The following CUL4A variants were observed in gnomAD, a reference collection of about 807,000 sequenced individuals.
CUL4A encodes cullin-4A.
Under a neutral mutation model 95.5 loss-of-function variants are expected in CUL4A, and 16 were observed. The observed-to-expected ratio is 0.17, with a 90% confidence interval of 0.11 to 0.25. The LOEUF is 0.25. Ranked by LOEUF, CUL4A falls within the 10% of genes least tolerant of loss-of-function variation. The probability of loss-of-function intolerance (pLI) is 1.00; values close to 1 mark genes in which losing one functional copy is unlikely to be tolerated. For synonymous variants in CUL4A, 380 were observed against 353.1 expected (o/e 1.08, Z -0.85); for missense variants, 610 against 937.0 (o/e 0.65, Z 4.56).
chr13:113,233,613 GAC>G (rs994950556), intron 6 of CUL4A, among the ~76,000 whole-genome samples: 1 of 151,956 alleles, frequency 6.6e-6, no homozygotes, highest in African/African-American at 2.4e-5. Flanking sequence ...TATAAACAGA[GAC>G]AAAGCCAGAT....
At position 113,209,869 on chromosome 13, in the gene CUL4A, G is replaced by A. The variant is rs2040296770; in HGVS notation, c.148+94G>A. On this transcript the variant is annotated intron_variant, in intron 1 of 19. Transcript: ENST00000375440. Reference sequence around the variant, plus strand: ...GGGGGGAAGGCCCCGAGATCCGTGCGGGCCCCGGGAGCGGGGGCGCCGGGG... The same window carrying A: ...GGGGGGAAGGCCCCGAGATCCGTGCAGGCCCCGGGAGCGGGGGCGCCGGGG... 3 of 1,186,582 alleles carry A rather than the reference G, an allele frequency of 2.5e-6. No homozygotes were observed. In the African/African-American group the frequency reaches 4.9e-5, roughly 19 times the overall value. 73.5% of individuals were successfully genotyped at this position (1,186,582 alleles called of 1,614,324 possible).
intron 10 of CUL4A, among the ~76,000 whole-genome samples, 155 bp downstream of exon 10, chr13:113,239,706 C>T (rs888497986): frequency 8.5e-5 from 13 of 152,218 alleles, no homozygotes; most frequent in African/African-American, 3.1e-4. Flanking sequence ...CAGTAGGCTT[C>T]CATCTGCTTC....
chr13:113,256,928 T>TG (rs1462612598), intron 18 of CUL4A, among the ~76,000 whole-genome samples: 69 of 129,636 alleles, frequency 5.3e-4, no homozygotes, highest in African/African-American at 2.0e-3. Context: ...TTTTTTTCGT[T>TG]TTTTTTTTTT....
intron 3 of CUL4A, among the ~76,000 whole-genome samples, chr13:113,220,944 A>C (rs1040555353): frequency 6.6e-6 from 1 of 152,230 alleles, no homozygotes; most frequent in Non-Finnish European, 1.5e-5. Flanking sequence ...AAGGCAAAAG[A>C]AAAAAACACT....
intron 5 of CUL4A, chr13:113,229,862 G>C (rs1192917679): frequency 6.4e-6 from 3 of 465,330 alleles, no homozygotes; most frequent in Non-Finnish European, 1.1e-5. Flanking sequence ...AAGACTGCCT[G>C]CTGCCCGTGG....
intron 5 of CUL4A, 33 bp from the exon 6 acceptor site, chr13:113,233,144 A>G: frequency 6.3e-7 from 1 of 1,592,568 alleles, no homozygotes. Flanking sequence ...AAGCGAAACT[A>G]AAATGTAGTC....
intron 14 of CUL4A, among the ~76,000 whole-genome samples, chr13:113,245,508 C>T (rs2041833111): frequency 6.6e-6 from 1 of 152,148 alleles, no homozygotes; most frequent in Non-Finnish European, 1.5e-5. Context: ...CGTGACTGCA[C>T]CACTGCGCTC....
In CUL4A at chr13:113,209,999, A is replaced by G. The variant is rs549078329; in HGVS notation, c.175A>G (p.Thr59Ala). Residue 59 changes from threonine to alanine, a missense_variant, in exon 2 of 20, where the codon ACG becomes GCG. Coordinates refer to ENST00000375440, the MANE Select transcript of CUL4A (RefSeq NM_001008895.4). The part of the protein sequence containing the change: ...RDRPRLPDNY[T>A]QDTWRKLHEA... ...CAGACCTCGGCTGCCCGACAACTAC[A>G]CGCAGGACACGTGGCGGAAGCTGCA... 8.5e-6 allele frequency: 13 copies of G among 1,520,646 alleles called. No individual in the cohort carries two copies. Among genetic ancestry groups the G allele is most frequent in the Admixed American group, 4.2e-5 (2 of 48,164 alleles). 94.2% of individuals were successfully genotyped at this position (1,520,646 alleles called of 1,614,324 possible). A position where few individuals can be genotyped will look rare whatever the true frequency, so the allele number is the denominator to read the frequency against.
intron 16 of CUL4A, 99 bp downstream of exon 16, chr13:113,253,294 CT>C (rs2042040764): frequency 2.0e-6 from 1 of 488,510 alleles, no homozygotes; most frequent in Non-Finnish European, 3.5e-6. Context: ...GAGTGTTTCA[CT>C]TTAATTCACT....
At chr13:113,246,194 T>G in intron 15 of CUL4A, 131 bp downstream of exon 15, 1 of 662,310 alleles carries the variant, frequency 1.5e-6, no homozygotes, top group Non-Finnish European at 2.6e-6. Flanking sequence ...CAAAGTGCTC[T>G]TATGGTCTTT....
intron 2 of CUL4A, among the ~76,000 whole-genome samples, chr13:113,210,778 A>G (rs1052017013): frequency 7.5e-6 from 1 of 134,156 alleles, no homozygotes; most frequent in Non-Finnish European, 1.7e-5. Flanking sequence ...TATTTCTATT[A>G]AAAGGCTTGA....
At chr13:113,226,283 G>A (rs1478530489) in intron 3 of CUL4A, among the ~76,000 whole-genome samples, 1 of 152,188 alleles carries the variant, frequency 6.6e-6, no homozygotes, top group East Asian at 1.9e-4. Flanking sequence ...CTTGCTGCAC[G>A]GCAGAAACAG....
intron 18 of CUL4A, among the ~76,000 whole-genome samples, chr13:113,255,779 C>T (rs952718660): frequency 2.6e-4 from 39 of 152,214 alleles, no homozygotes; most frequent in Admixed American, 7.2e-4. Flanking sequence ...TGTCTGGATG[C>T]ATCACAACTT....
At position 113,242,834 on chromosome 13, in the gene CUL4A, A is replaced by T. The variant is rs1387907474; in HGVS notation, c.1036-134A>T. On this transcript the variant is annotated intron_variant, in intron 10 of 19. Transcript: ENST00000375440. ...TTTTGAAATGTGAATTCAATTTGTG[A>T]AACTTTTAAAGTTATTGAGTATTTA... is the stretch of plus-strand genomic sequence containing the variant. The T allele has an allele frequency of 4.4e-6, 3 of 676,316 alleles. No individual in the cohort carries two copies. The Admixed American group carries it at 1.0e-4, about 23-fold the overall frequency. 41.9% of individuals were successfully genotyped at this position (676,316 alleles called of 1,614,324 possible).
intron 16 of CUL4A, among the ~76,000 whole-genome samples, chr13:113,253,603 C>T (rs997121216): frequency 6.6e-6 from 1 of 152,134 alleles, no homozygotes; most frequent in African/African-American, 2.4e-5. Context: ...TTGCCCACTA[C>T]TGGAAGAAGC....
intron 10 of CUL4A, among the ~76,000 whole-genome samples, chr13:113,241,793 G>A (rs1414287380): frequency 3.3e-5 from 5 of 151,956 alleles, no homozygotes; most frequent in African/African-American, 9.7e-5. Context: ...GATTACAAGC[G>A]TGAGCCACTG....
intron 18 of CUL4A, among the ~76,000 whole-genome samples, chr13:113,258,999 A>C (rs2042202295): frequency 6.6e-6 from 1 of 152,248 alleles, no homozygotes; most frequent in Non-Finnish European, 1.5e-5. Flanking sequence ...TATCTTATAA[A>C]GGGGACCTTT....
At chr13:113,209,400 T>A (rs1012137288), upstream of CUL4A, 1 of 144,750 alleles carries the variant, frequency 6.9e-6, no homozygotes, top group African/African-American at 2.6e-5. Flanking sequence ...CAGGAGGGGG[T>A]GTCCGAATCT....
upstream of CUL4A, chr13:113,208,644 G>A: frequency 1.2e-6 from 2 of 1,605,114 alleles, no homozygotes; most frequent in East Asian, 2.3e-5. Context: ...TGGGAGCGCC[G>A]CCGAACGGAG....
Sources: allele counts gnomAD v4.1 joint callset (sites outside exome capture counted in the v4.1 genomes callset), GRCh38; gene constraint gnomAD v4.1.1; transcripts MANE v1.5; gene names NCBI Gene and HGNC (gene_info 2026-07-23, HGNC 2026-07-21).